FAHD1: variants seen among roughly 807,000 people sequenced by gnomAD.
FAHD1 encodes FAH domain containing oxaloacetate decarboxylase 1.
FAHD1 carries 14 observed loss-of-function variants against 12.7 expected under a neutral mutation model. That is an observed-to-expected ratio of 1.10 (90% CI 0.73 to 1.72). The LOEUF (loss-of-function observed/expected upper bound fraction) is 1.72. Among genes scored for constraint, FAHD1 ranks in the 40% most tolerant of loss-of-function variants. The pLI, the probability that FAHD1 is intolerant of heterozygous loss-of-function variation, is 0.00. For synonymous variants in FAHD1, 153 were observed against 124.9 expected (o/e 1.22, Z -1.50); for missense variants, 351 against 298.9 (o/e 1.17, Z -1.29).
chr16:1,828,075 A>G, exon 1 of FAHD1: 1 of 1,243,026 alleles, frequency 8.0e-7, no homozygotes, highest in Non-Finnish European at 1.1e-6. Context: ...ACGTCAGGAG[A>G]TCCAGACCAT....
At chr16:1,827,419 T>C (rs1450225773) in exon 1 of FAHD1, 8 of 1,610,104 alleles carry the variant, frequency 5.0e-6, no homozygotes, top group Non-Finnish European at 6.8e-6. Flanking sequence ...CATGCCCGCG[T>C]ACACTCGCAA....
At chr16:1,833,403 A>C (rs1203292768), downstream of FAHD1, among the ~76,000 whole-genome samples, 1 of 152,140 alleles carries the variant, frequency 6.6e-6, no homozygotes. Flanking sequence ...ACCAGGGACT[A>C]GAAGAGCCCC....
downstream of FAHD1, among the ~76,000 whole-genome samples, chr16:1,830,917 T>TACATACACACACAC (rs1555470128): frequency 1.7e-5 from 2 of 114,776 alleles, no homozygotes; most frequent in African/African-American, 5.6e-5. Context: ...TCTCTCTCTA[T>TACATACACACACAC]ACACACACAC....
chr16:1,838,178 T>G, intron 2 of FAHD1: 1 of 483,708 alleles, frequency 2.1e-6, no homozygotes, highest in Non-Finnish European at 3.7e-6. Flanking sequence ...TGTTTTATGT[T>G]TTGTAGAGAC....
downstream of FAHD1, among the ~76,000 whole-genome samples, chr16:1,830,055 G>A (rs765760351): frequency 6.6e-6 from 1 of 152,172 alleles, no homozygotes; most frequent in Non-Finnish European, 1.5e-5. Flanking sequence ...TAGAGACAGG[G>A]TTTCACCATG....
At chr16:1,833,250 T>C (rs899789203), downstream of FAHD1, among the ~76,000 whole-genome samples, 1 of 152,048 alleles carries the variant, frequency 6.6e-6, no homozygotes, top group Admixed American at 6.6e-5. Context: ...CCTGAGTAGG[T>C]CCCCCTCAGA....
chr16:1,827,348 G>A (rs1415410432), exon 1 of FAHD1: 1 of 1,613,078 alleles, frequency 6.2e-7, no homozygotes, highest in Admixed American at 1.7e-5. Context: ...GCGGTGTTGA[G>A]CGAGCCCGTG....
rs1280348643 is a variant in FAHD1 at position 1,828,757 on chromosome 16, T to G, written c.*853T>G. On this transcript the variant is annotated 3_prime_UTR_variant, in exon 1 of 1. Coordinates refer to ENST00000427358, the Ensembl canonical transcript of FAHD1. ...TCAGGAAATGTGAAAAACACTCCTG[T>G]ACATAATCGGTTAATTTAAAATTTT... 4.1e-6 allele frequency: 4 copies of G among 986,586 alleles called. No homozygotes were observed. In the African/African-American group the frequency reaches 7.0e-5, roughly 17 times the overall value. The allele number at this position is 986,586 out of a possible 1,614,324, so 61.1% of individuals were successfully genotyped here.
chr16:1,829,008 C>A, downstream of FAHD1: 1 of 745,656 alleles, frequency 1.3e-6, no homozygotes, highest in Non-Finnish European at 1.7e-6. Context: ...CTTTGGCCTT[C>A]TGAGCACTGT....
chr16:1,839,474 C>G (rs1159745433), exon 3 of FAHD1: 1 of 1,543,340 alleles, frequency 6.5e-7, no homozygotes, highest in East Asian at 2.3e-5. Context: ...AAATGTGATG[C>G]CCTAAGCTAC....
At chr16:1,828,766 G>A (rs895767465) in exon 1 of FAHD1, 6 of 990,882 alleles carry the variant, frequency 6.1e-6, no homozygotes, top group African/African-American at 3.5e-5. Context: ...GTACATAATC[G>A]GTTAATTTAA....
intron 1 of FAHD1, among the ~76,000 whole-genome samples, chr16:1,834,943 C>G (rs911184110): frequency 4.2e-5 from 4 of 95,664 alleles, no homozygotes; most frequent in African/African-American, 7.7e-5. Flanking sequence ...CCCCCCCACC[C>G]CCCCCCACTA....
At chr16:1,833,916 C>T (rs1396966834) in intron 1 of FAHD1, 3 of 171,088 alleles carry the variant, frequency 1.8e-5, no homozygotes, top group Non-Finnish European at 3.7e-5. Flanking sequence ...ATAAATCATT[C>T]ACTCAGGATT....
chr16:1,829,176 G>A (rs1483355542), downstream of FAHD1, among the ~76,000 whole-genome samples: 1 of 152,194 alleles, frequency 6.6e-6, no homozygotes, highest in Admixed American at 6.5e-5. Flanking sequence ...GTCAATGCCT[G>A]GAGGAGTCCT....
At chr16:1,831,434 A>C (rs1898618124), downstream of FAHD1, among the ~76,000 whole-genome samples, 1 of 152,110 alleles carries the variant, frequency 6.6e-6, no homozygotes, top group Non-Finnish European at 1.5e-5. Context: ...ACCCAAGGGG[A>C]AGCTCTGGAG....
chr16:1,830,942 A>ACACACACC (rs763868736), downstream of FAHD1, among the ~76,000 whole-genome samples: 299 of 128,120 alleles, frequency 2.3e-3, 1 homozygote, highest in Middle Eastern at 8.2e-3. Context: ...ACACACACAC[A>ACACACACC]CACCCATATT....
rs778257306 is a variant in FAHD1 at position 1,838,632 on chromosome 16, CTTG to C, written c.*8+504_*8+506del. On this transcript the variant is annotated intron_variant, in intron 2 of 2. Transcript: ENST00000382666. ...CCTTATGACTGATCAACATCTCCGA[CTTG>C]TTGTTTTACCCATCGTTACTTGACT... is the stretch of plus-strand genomic sequence containing the variant. Among the ~76,000 whole-genome samples, 10 of 152,224 alleles carry C rather than the reference CTTG, an allele frequency of 6.6e-5. 1 individual carries two copies. The highest frequency in any genetic ancestry group is 2.1e-4 in the South Asian group (1 of 4,820).
chr16:1,827,344 T>C (rs753713338), exon 1 of FAHD1: 12 of 1,612,976 alleles, frequency 7.4e-6, no homozygotes, highest in Middle Eastern at 1.6e-4. Context: ...CAGCGCGGTG[T>C]TGAGCGAGCC....
At chr16:1,827,551 G>T in exon 1 of FAHD1, 1 of 1,613,366 alleles carries the variant, frequency 6.2e-7, no homozygotes, top group Non-Finnish European at 8.5e-7. Flanking sequence ...CGCCCGGGAC[G>T]TGCAGGACGA....
Sources: gnomAD v4.1 joint callset for allele counts (sites outside exome capture counted in the v4.1 genomes callset) on GRCh38, gnomAD v4.1.1 for gene constraint, MANE v1.5 for transcripts, NCBI Gene and HGNC (gene_info 2026-07-23, HGNC 2026-07-21) for gene names.